Variants in L3MBTL4 observed in about 807,000 individuals in gnomAD.
L3MBTL4 encodes the protein lethal(3)malignant brain tumor-like protein 4.
L3MBTL4 carries 70 observed loss-of-function variants against 84.5 expected under a neutral mutation model. That is an observed-to-expected ratio of 0.83 (90% CI 0.68 to 1.01). L3MBTL4 has a LOEUF of 1.01. L3MBTL4 is among the 50% of genes least tolerant of loss of function. L3MBTL4 has a pLI of 0.00. For missense variants in L3MBTL4, 715 were observed against 754.8 expected (o/e 0.95, Z 0.62); for synonymous variants, 274 against 259.8 (o/e 1.05, Z -0.52).
chr18:5,965,469 T>G (rs2052304138), intron 17 of L3MBTL4, among the ~76,000 whole-genome samples: 1 of 152,056 alleles, frequency 6.6e-6, no homozygotes, highest in Non-Finnish European at 1.5e-5. Flanking sequence ...CGGAGGCTCC[T>G]CTCCGAAACA....
chr18:6,162,772 G>A (rs2043406412), intron 13 of L3MBTL4, among the ~76,000 whole-genome samples: 1 of 152,196 alleles, frequency 6.6e-6, no homozygotes, highest in South Asian at 2.1e-4. Context: ...CAACTGAGCG[G>A]TGTGATTTTC....
rs536200443 is a variant in L3MBTL4 at position 6,406,108 on chromosome 18, A to T, written c.-91+8693T>A. 3.3e-5 allele frequency among the ~76,000 whole-genome samples: 5 copies of T among 152,358 alleles called. No individual in the cohort carries two copies. The South Asian group carries it at 1.0e-3, about 32-fold the overall frequency. ...AATGAAATTCACCAAGCTACTGAAC[A>T]CAACTTTATTGCAAAATCTGGCTAT... On this transcript the variant is annotated intron_variant, in intron 1 of 18. Transcript: ENST00000317931.
At chr18:6,100,909 G>A (rs1047145630) in intron 14 of L3MBTL4, among the ~76,000 whole-genome samples, 1 of 152,234 alleles carries the variant, frequency 6.6e-6, no homozygotes, top group African/African-American at 2.4e-5. Flanking sequence ...GGCTCCCCAT[G>A]TGATCTCCAC....
At chr18:5,972,892 GAGAATAGAATAGAAT>G (rs5822882) in intron 16 of L3MBTL4, among the ~76,000 whole-genome samples, 7,021 of 131,414 alleles carry the variant, frequency 0.053, 374 homozygotes, top group Middle Eastern at 0.081. Flanking sequence ...TAGAACAGAA[GAGAATAGAATAGAAT>G]AGAATAGAAT....
intron 1 of L3MBTL4, among the ~76,000 whole-genome samples, chr18:6,319,847 A>G (rs1046476693): frequency 3.7e-4 from 56 of 152,026 alleles, no homozygotes; most frequent in African/African-American, 1.3e-3. Context: ...AAGGAAAAGA[A>G]AACTGCAAAT....
At chr18:6,115,132 C>T (rs1170789523) in intron 14 of L3MBTL4, among the ~76,000 whole-genome samples, 1 of 152,160 alleles carries the variant, frequency 6.6e-6, no homozygotes, top group African/African-American at 2.4e-5. Flanking sequence ...AGCTTGAGTG[C>T]AGCTACAGTG....
intron 6 of L3MBTL4, 58 bp from the exon 7 acceptor site, chr18:6,243,487 A>C: frequency 2.9e-6 from 4 of 1,366,814 alleles, no homozygotes; most frequent in Non-Finnish European, 3.0e-6. Context: ...GAGTAGACAC[A>C]AAATTCACAA....
In L3MBTL4 at chr18:6,054,121, A is replaced by G. The variant is rs552428597; in HGVS notation, c.1444+26760T>C. Among the ~76,000 whole-genome samples the G allele has an allele frequency of 9.9e-5, 15 of 152,254 alleles. No individual in the cohort carries two copies. In the East Asian group the frequency reaches 2.7e-3, roughly 28 times the overall value. On this transcript the variant is annotated intron_variant, in intron 16 of 18. Transcript: ENST00000317931. ...TCTTAGTGATAACATCTTCCCCACT[A>G]AAGACTCTCTAAACTCCATCTTTAC...
intron 16 of L3MBTL4, among the ~76,000 whole-genome samples, chr18:6,005,086 G>A (rs773386224): frequency 1.6e-4 from 20 of 126,400 alleles, no homozygotes; most frequent in East Asian, 7.9e-4. Context: ...GCTCACACCC[G>A]TAATCCTAGC....
At chr18:6,212,658 T>A (rs1337450282) in intron 12 of L3MBTL4, among the ~76,000 whole-genome samples, 1 of 152,244 alleles carries the variant, frequency 6.6e-6, no homozygotes, top group Non-Finnish European at 1.5e-5. Flanking sequence ...CTTGGTAAGC[T>A]GTTTAATAAC....
intron 16 of L3MBTL4, among the ~76,000 whole-genome samples, chr18:6,059,223 T>C (rs990039603): frequency 6.6e-6 from 1 of 152,244 alleles, no homozygotes; most frequent in Non-Finnish European, 1.5e-5. Context: ...ATTTCTGGAA[T>C]ACTCCAAGGA....
intron 14 of L3MBTL4, among the ~76,000 whole-genome samples, chr18:6,101,587 A>G (rs1210998341): frequency 6.6e-6 from 1 of 152,122 alleles, no homozygotes; most frequent in East Asian, 1.9e-4. Context: ...CTGAGTTTCA[A>G]TCCTGCTTCT....
chr18:6,254,795 A>G (rs1298215101), intron 5 of L3MBTL4, among the ~76,000 whole-genome samples: 2 of 152,214 alleles, frequency 1.3e-5, no homozygotes, highest in African/African-American at 2.4e-5. Flanking sequence ...AGCTACTAAT[A>G]GTAAGAAATT....
intron 16 of L3MBTL4, among the ~76,000 whole-genome samples, chr18:6,050,975 G>C (rs934293426): frequency 6.6e-6 from 1 of 152,148 alleles, no homozygotes; most frequent in African/African-American, 2.4e-5. Flanking sequence ...GAGAGGTGCT[G>C]GTGGCAGCTG....
intron 16 of L3MBTL4, among the ~76,000 whole-genome samples, chr18:6,052,794 T>C (rs2056882465): frequency 6.6e-6 from 1 of 152,194 alleles, no homozygotes; most frequent in African/African-American, 2.4e-5. Context: ...CTAATGGACA[T>C]AAAGAATTCC....
intron 13 of L3MBTL4, among the ~76,000 whole-genome samples, chr18:6,146,319 C>T (rs2144756272): frequency 6.6e-6 from 1 of 152,298 alleles, no homozygotes; most frequent in African/African-American, 2.4e-5. Context: ...GCTAGGTGAG[C>T]CCCATGGCGA....
rs757031622 is a variant in L3MBTL4 at position 6,243,438 on chromosome 18, T to C, written c.325-9A>G. 5.1e-6 allele frequency: 8 copies of C among 1,580,714 alleles called. No homozygotes were observed. In the Admixed American group the frequency reaches 9.3e-5, roughly 18 times the overall value. On this transcript the variant is annotated splice_polypyrimidine_tract_variant and intron_variant, in intron 6 of 18. Transcript: ENST00000317931. ...AGACGGTAACCACAAACCTGCAAGA[T>C]AGAAAGTTTACAATCATTCGTTAAG... is the stretch of plus-strand genomic sequence containing the variant.
intron 16 of L3MBTL4, among the ~76,000 whole-genome samples, chr18:6,045,492 TC>T (rs1192969236): frequency 1.3e-5 from 2 of 152,166 alleles, no homozygotes; most frequent in African/African-American, 2.4e-5. Flanking sequence ...TGGGGAGGCC[TC>T]ATAATTACGG....
chr18:6,004,681 G>A (rs540489199), intron 16 of L3MBTL4, among the ~76,000 whole-genome samples: 1 of 152,178 alleles, frequency 6.6e-6, no homozygotes, highest in South Asian at 2.1e-4. Flanking sequence ...CCTTTAAAAA[G>A]GAATGAAATT....
Sources: gnomAD v4.1 joint callset for allele counts (sites outside exome capture counted in the v4.1 genomes callset) on GRCh38, gnomAD v4.1.1 for gene constraint, MANE v1.5 for transcripts, NCBI Gene and HGNC (gene_info 2026-07-23, HGNC 2026-07-21) for gene names.